Variants in DLGAP2 observed in about 807,000 individuals in gnomAD.
The protein encoded by DLGAP2 is DLG associated protein 2.
Under a neutral mutation model 100.3 loss-of-function variants are expected in DLGAP2, and 26 were observed. That is an observed-to-expected ratio of 0.26 (90% CI 0.19 to 0.36). DLGAP2 has a LOEUF of 0.36. Among genes scored for constraint, DLGAP2 ranks in the 10% least tolerant of loss-of-function variants. DLGAP2 has a pLI of 1.00. For synonymous variants in DLGAP2, 886 were observed against 630.1 expected, an observed-to-expected ratio of 1.41 and a Z score of -6.08; for missense variants, 1,858 against 1,453.2, an observed-to-expected ratio of 1.28 and a Z score of -4.53.
At chr8:1,275,937 AAT>A (rs1444141431) in intron 3 of DLGAP2, among the ~76,000 whole-genome samples, 1 of 128,678 alleles carries the variant, frequency 7.8e-6, no homozygotes, top group African/African-American at 3.0e-5. Flanking sequence ...ATAGTATATA[AAT>A]ATATATAATA....
intron 2 of DLGAP2, among the ~76,000 whole-genome samples, chr8:1,194,221 C>T (rs538153518): frequency 4.6e-5 from 7 of 152,224 alleles, no homozygotes; most frequent in African/African-American, 1.7e-4. Flanking sequence ...CTCAGCCCGA[C>T]TCAGGAGGAG....
intron 1 of DLGAP2, among the ~76,000 whole-genome samples, chr8:786,422 A>C (rs1821868926): frequency 6.6e-6 from 1 of 152,156 alleles, no homozygotes; most frequent in Non-Finnish European, 1.5e-5. Context: ...CAAAAGAATG[A>C]CCGAGAGGGA....
At chr8:1,244,775 C>T (rs1228930455) in intron 2 of DLGAP2, among the ~76,000 whole-genome samples, 1 of 152,280 alleles carries the variant, frequency 6.6e-6, no homozygotes, top group Middle Eastern at 3.4e-3. Context: ...AAAAAGTAAA[C>T]CAGTTGAGCT....
At chr8:974,666 G>C (rs1290925148) in intron 2 of DLGAP2, among the ~76,000 whole-genome samples, 2 of 152,130 alleles carry the variant, frequency 1.3e-5, no homozygotes, top group African/African-American at 4.8e-5. Context: ...CAAAGAAGAA[G>C]TCTCAAGATA....
chr8:918,666 A>C (rs1445809093), intron 2 of DLGAP2, among the ~76,000 whole-genome samples: 1 of 152,220 alleles, frequency 6.6e-6, no homozygotes, highest in African/African-American at 2.4e-5. Flanking sequence ...GTTTCTGGGA[A>C]GACAATTGTG....
At chr8:853,451 A>G (rs969885667) in intron 1 of DLGAP2, among the ~76,000 whole-genome samples, 1 of 152,234 alleles carries the variant, frequency 6.6e-6, no homozygotes, top group Non-Finnish European at 1.5e-5. Flanking sequence ...TGTGTGGTAT[A>G]AACATCATCT....
intron 3 of DLGAP2, among the ~76,000 whole-genome samples, chr8:1,310,504 C>A (rs10111688): frequency 6.6e-6 from 1 of 152,104 alleles, no homozygotes; most frequent in Admixed American, 6.5e-5. Context: ...TGGACGGACA[C>A]GTACAGAAGC....
At position 914,465 on chromosome 8, in the gene DLGAP2, A is replaced by G. The variant is rs964318442; in HGVS notation, c.73+6499A>G. On this transcript the variant is annotated intron_variant, in intron 2 of 14. Coordinates refer to ENST00000637795, the MANE Select transcript of DLGAP2 (RefSeq NM_001346810.2). The stretch of plus-strand genomic sequence containing the variant: ...CTGCTAGAACAAGGGGGTGTGGATC[A>G]ATAGTGTTGGGACCACAGGTCTTTT... 5.3e-5 allele frequency among the ~76,000 whole-genome samples: 8 copies of G among 151,764 alleles called. 1 individual carries two copies. The highest frequency in any genetic ancestry group is 1.9e-4 in the African/African-American group (8 of 41,118).
intron 4 of DLGAP2, among the ~76,000 whole-genome samples, chr8:1,507,606 G>A (rs1467913783): frequency 6.6e-6 from 1 of 152,204 alleles, no homozygotes; most frequent in African/African-American, 2.4e-5. Flanking sequence ...GCCGGAGTGG[G>A]CGCCGAGGCG....
rs72529197 is a variant in DLGAP2 at position 1,381,782 on chromosome 8, AGTGTGTGTGTGTGTGT to A, written c.107-119557_107-119542del. ...CCTTAGTAAATCTGAGGGTTATTCT[AGTGTGTGTGTGTGTGT>A]GTGTGTGTGTGTGTGTGTGTGTGTG... On this transcript the variant is annotated intron_variant, in intron 3 of 14. Coordinates refer to ENST00000637795, the MANE Select transcript of DLGAP2 (RefSeq NM_001346810.2). Among the ~76,000 whole-genome samples the A allele has an allele frequency of 7.0e-3, 986 of 141,782 alleles. 9 individuals carry two copies. Among genetic ancestry groups the A allele is most frequent in the African/African-American group, 0.024 (914 of 38,020 alleles). The allele number at this position is 141,782 out of a possible 152,430, so 93.0% of individuals were successfully genotyped here.
rs540045137 is a variant in DLGAP2 at position 767,831 on chromosome 8, G to T, written c.18+30006G>T. On this transcript the variant is annotated intron_variant, in intron 1 of 14. Transcript: ENST00000637795. ...TTTAGAATTAGCAACTGATAGCAAG[G>T]TTTTTATCAAATTCAGTAAACTTGA... 2.0e-5 allele frequency among the ~76,000 whole-genome samples: 3 copies of T among 152,328 alleles called. No homozygotes were observed. The South Asian group carries it at 6.2e-4, about 32-fold the overall frequency.
intron 2 of DLGAP2, among the ~76,000 whole-genome samples, chr8:963,905 T>G (rs1382611083): frequency 6.6e-6 from 1 of 152,236 alleles, no homozygotes; most frequent in African/African-American, 2.4e-5. Context: ...TCCAGGTGGC[T>G]TGCAGCATTG....
At chr8:1,515,660 T>C (rs1351293093) in intron 4 of DLGAP2, among the ~76,000 whole-genome samples, 2 of 148,972 alleles carry the variant, frequency 1.3e-5, no homozygotes, top group African/African-American at 5.0e-5. Flanking sequence ...ACATGAAATA[T>C]ACACATACAC....
intron 2 of DLGAP2, among the ~76,000 whole-genome samples, chr8:1,140,732 G>A (rs1318362760): frequency 1.3e-5 from 2 of 152,196 alleles, no homozygotes; most frequent in African/African-American, 4.8e-5. Context: ...AGCACTTTGG[G>A]AGGCTGAGGT....
chr8:1,413,365 G>A (rs1460079536), intron 3 of DLGAP2, among the ~76,000 whole-genome samples: 2 of 152,094 alleles, frequency 1.3e-5, no homozygotes, highest in Non-Finnish European at 2.9e-5. Flanking sequence ...TAATATAAAT[G>A]AACAACCTAT....
chr8:1,365,282 G>A (rs1454458781), intron 3 of DLGAP2, among the ~76,000 whole-genome samples: 2 of 152,158 alleles, frequency 1.3e-5, no homozygotes, highest in African/African-American at 2.4e-5. Flanking sequence ...GGGATGTGTG[G>A]CTCAGGTGCT....
intron 2 of DLGAP2, among the ~76,000 whole-genome samples, chr8:1,018,294 A>G (rs1399629794): frequency 6.6e-6 from 1 of 152,186 alleles, no homozygotes; most frequent in African/African-American, 2.4e-5. Context: ...ATTCCGGCTG[A>G]TGTTCAGTGT....
chr8:1,233,849 C>G (rs545175428), intron 2 of DLGAP2, among the ~76,000 whole-genome samples: 1 of 152,120 alleles, frequency 6.6e-6, no homozygotes, highest in East Asian at 1.9e-4. Flanking sequence ...AATCCGTAAG[C>G]TAAACCACTG....
At chr8:959,452 C>G (rs1264370600) in intron 2 of DLGAP2, among the ~76,000 whole-genome samples, 1 of 152,212 alleles carries the variant, frequency 6.6e-6, no homozygotes, top group East Asian at 1.9e-4. Flanking sequence ...TGAGAATGCC[C>G]TGGCTCATGC....
Sources: allele counts gnomAD v4.1 joint callset (sites outside exome capture counted in the v4.1 genomes callset), GRCh38; gene constraint gnomAD v4.1.1; transcripts MANE v1.5; gene names NCBI Gene and HGNC (gene_info 2026-07-23, HGNC 2026-07-21).